PLEKHH1: variants seen among roughly 807,000 people sequenced by gnomAD.
PLEKHH1 encodes pleckstrin homology, MyTH4 and FERM domain containing H1, also known as pleckstrin homology domain-containing family H member 1.
PLEKHH1 carries 104 observed loss-of-function variants against 160.0 expected under a neutral mutation model. That is an observed-to-expected ratio of 0.65 (90% CI 0.55 to 0.76). The LOEUF is 0.76. PLEKHH1 is among the 30% of genes least tolerant of loss of function. The probability of loss-of-function intolerance (pLI) is 0.00; values close to 1 mark genes in which losing one functional copy is unlikely to be tolerated. For synonymous variants in PLEKHH1, 619 were observed against 678.4 expected (o/e 0.91, Z 1.36); for missense variants, 1,427 against 1,724.1 (o/e 0.83, Z 3.05).
Position 67,536,087 on chromosome 14 carries a change from GT to G in PLEKHH1, c.-35+2694del, listed in dbSNP as rs1260087291. Among the ~76,000 whole-genome samples, 7 of 152,230 alleles carry G rather than the reference GT, an allele frequency of 4.6e-5. 1 individual carries two copies. Among genetic ancestry groups the G allele is most frequent in the African/African-American group, 1.7e-4 (7 of 41,478 alleles). ...AGGTACTAAGCTGTTTCTCTTTGCT[GT>G]TTTTGTTCTCAAGGAATGTTGTACC... On this transcript the variant is annotated intron_variant, in intron 1 of 28. Coordinates refer to ENST00000329153, the MANE Select transcript of PLEKHH1 (RefSeq NM_020715.3).
At chr14:67,570,657 T>C (rs1467376151) in intron 9 of PLEKHH1, 1 of 152,284 alleles carries the variant, frequency 6.6e-6, no homozygotes, top group Admixed American at 6.5e-5. Flanking sequence ...CATATACATG[T>C]CATTCTATGC....
In PLEKHH1 at chr14:67,582,208, C is replaced by A; in HGVS notation, c.3424C>A (p.Gln1142Lys). The A allele has an allele frequency of 6.2e-7, 1 of 1,613,690 alleles. No individual in the cohort carries two copies. Among genetic ancestry groups the A allele is most frequent in the East Asian group, 2.2e-5 (1 of 44,884 alleles). ...TCTTGAGATGGCTGCCCTGATGGCC[C>A]AGGTAAGGTTCTGTTCAGGAAGCAG... ...LALEMAALMA[Q>K]VEYGDLEKPA... The change falls in exon 24 of 29, where the codon CAG (glutamine) becomes AAG (lysine). Residue 1142 changes from glutamine (Q) to lysine (K), a missense_variant and splice_region_variant. Around this residue, in one of 6 missense-constraint regions of PLEKHH1, gnomAD observed 436 missense variants for 607.5 expected, o/e 0.72. Transcript: ENST00000329153. This position sits in a 1 kb window ranked among gnomAD's most constrained non-coding sequence, Gnocchi z 5.0.
intron 2 of PLEKHH1, among the ~76,000 whole-genome samples, chr14:67,546,924 A>G (rs1296158913): frequency 6.6e-6 from 1 of 152,168 alleles, no homozygotes; most frequent in South Asian, 2.1e-4. Flanking sequence ...TTCATAATAA[A>G]TGTTTTAGAG....
intron 2 of PLEKHH1, among the ~76,000 whole-genome samples, chr14:67,547,743 C>G (rs2034237102): frequency 6.6e-6 from 1 of 152,252 alleles, no homozygotes; most frequent in Non-Finnish European, 1.5e-5. Context: ...CTTCTTCCTA[C>G]CTTGACACAG....
Position 67,573,788 on chromosome 14 carries a change from A to C in PLEKHH1, c.1840-13A>C, listed in dbSNP as rs765111321. 6.3e-7 allele frequency: 1 copy of C among 1,585,006 alleles called. No homozygotes were observed. Among genetic ancestry groups the C allele is most frequent in the Admixed American group, 1.7e-5 (1 of 60,000 alleles). On this transcript the variant is annotated splice_polypyrimidine_tract_variant and intron_variant, in intron 12 of 28. Coordinates refer to ENST00000329153, the MANE Select transcript of PLEKHH1 (RefSeq NM_020715.3). The surrounding 1 kb of genome is among the most constrained non-coding windows in gnomAD (Gnocchi z 4.8). ...ACATTCAGTGGCTCTCCTCTCCAAT[A>C]CTTTCTTTACAGAGTGATGTCATCC...
chr14:67,535,616 G>A (rs551353896), intron 1 of PLEKHH1, among the ~76,000 whole-genome samples: 1 of 152,006 alleles, frequency 6.6e-6, no homozygotes, highest in Non-Finnish European at 1.5e-5. Flanking sequence ...CTGACCTCAG[G>A]TAAGCCGCCT....
intron 5 of PLEKHH1, 85 bp from the exon 6 acceptor site, chr14:67,561,869 C>T: frequency 1.3e-6 from 1 of 755,736 alleles, no homozygotes; most frequent in Non-Finnish European, 2.0e-6. Context: ...GACCCTGTCT[C>T]AAAAAAAAAA....
At chr14:67,555,456 C>T (rs989672045) in intron 2 of PLEKHH1, among the ~76,000 whole-genome samples, 2 of 152,134 alleles carry the variant, frequency 1.3e-5, no homozygotes, top group Non-Finnish European at 2.9e-5. Context: ...CACCTTCGAC[C>T]CAATGCTGAG....
chr14:67,546,359 G>T (rs1212649827), intron 2 of PLEKHH1, among the ~76,000 whole-genome samples: 1 of 152,066 alleles, frequency 6.6e-6, no homozygotes, highest in Non-Finnish European at 1.5e-5. Context: ...AAGACAAAGT[G>T]ACAAGTGACA....
chr14:67,544,659 T>C (rs1594745720), intron 2 of PLEKHH1, among the ~76,000 whole-genome samples: 1 of 152,330 alleles, frequency 6.6e-6, no homozygotes, highest in East Asian at 1.9e-4. Context: ...AACAAGACAC[T>C]ACCTAAAAAG....
chr14:67,568,669 C>CAACT (rs1424766734), intron 7 of PLEKHH1, among the ~76,000 whole-genome samples: 1 of 152,130 alleles, frequency 6.6e-6, no homozygotes, highest in Non-Finnish European at 1.5e-5. Context: ...AAGTTCCAAA[C>CAACT]AACTGGCTTA....
Position 67,587,539 on chromosome 14 carries a change from A to G in PLEKHH1, c.*304A>G. 1 of 396,952 alleles carries G rather than the reference A, an allele frequency of 2.5e-6. No individual in the cohort carries two copies. The highest frequency in any genetic ancestry group is 4.7e-6 in the Non-Finnish European group (1 of 211,878). The allele number at this position is 396,952 out of a possible 1,614,324, so 24.6% of individuals were successfully genotyped here. On this transcript the variant is annotated 3_prime_UTR_variant, in exon 29 of 29. Transcript: ENST00000329153. ...ATGATCCACTGTTACTGAGGGCATCAGTGCTATAAGTTAAGGCTTTCTGCA... is the reference window on the plus strand; with the variant it reads ...ATGATCCACTGTTACTGAGGGCATCGGTGCTATAAGTTAAGGCTTTCTGCA...
chr14:67,585,103 C>G, intron 26 of PLEKHH1: 1 of 156,722 alleles, frequency 6.4e-6, no homozygotes, highest in South Asian at 2.0e-4. Flanking sequence ...GGACTGCATT[C>G]TTGCTTTCCT....
intron 1 of PLEKHH1, among the ~76,000 whole-genome samples, chr14:67,538,931 T>G (rs1307238432): frequency 2.0e-5 from 3 of 152,204 alleles, no homozygotes; most frequent in Admixed American, 6.5e-5. Flanking sequence ...TTGGAGATTT[T>G]GATAATTTGG....
intron 3 of PLEKHH1, 81 bp downstream of exon 3, chr14:67,555,968 G>A (rs906630352): frequency 2.1e-5 from 33 of 1,546,658 alleles, no homozygotes; most frequent in Non-Finnish European, 2.7e-5. Flanking sequence ...GACACAGGTG[G>A]ACACATACAT....
intron 28 of PLEKHH1, 104 bp downstream of exon 28, chr14:67,586,201 C>T (rs956717169): frequency 7.4e-7 from 1 of 1,353,490 alleles, no homozygotes; most frequent in Non-Finnish European, 1.0e-6. Flanking sequence ...AGGGCCCTGC[C>T]CAGATAAAAT....
At chr14:67,561,284 A>G (rs2034825496) in intron 5 of PLEKHH1, among the ~76,000 whole-genome samples, 1 of 152,192 alleles carries the variant, frequency 6.6e-6, no homozygotes, top group Non-Finnish European at 1.5e-5. Flanking sequence ...GCAGTGGCTC[A>G]CACCTGTAGT....
At chr14:67,583,908 GCAA>G in intron 25 of PLEKHH1, 25 bp downstream of exon 25, 2 of 1,612,310 alleles carry the variant, frequency 1.2e-6, no homozygotes, top group South Asian at 2.2e-5. Flanking sequence ...AGGTCTTGCA[GCAA>G]GTCACTGTGG....
Position 67,548,772 on chromosome 14 carries a change from C to T in PLEKHH1, c.126+6779C>T, listed in dbSNP as rs189359274. ...GCTTAAAAACTTCTAACTGAAGCAG[C>T]GTTTACCAAGTCCAGTTCCAGTGCA... On this transcript the variant is annotated intron_variant, in intron 2 of 28. Coordinates refer to ENST00000329153, the MANE Select transcript of PLEKHH1 (RefSeq NM_020715.3). Among the ~76,000 whole-genome samples, 51 of 152,318 alleles carry T rather than the reference C, an allele frequency of 3.3e-4. 1 individual carries two copies. The highest frequency in any genetic ancestry group is 1.0e-3 in the African/African-American group (42 of 41,566).
Sources: gnomAD v4.1 joint callset for allele counts (sites outside exome capture counted in the v4.1 genomes callset) on GRCh38, gnomAD v4.1.1 for gene constraint, gnomAD v4.1.1 regional missense constraint, Gnocchi (gnomAD v3.1) non-coding constraint, MANE v1.5 for transcripts, NCBI Gene and HGNC (gene_info 2026-07-23, HGNC 2026-07-21) for gene names.